Variants in ADAM8 observed in about 807,000 individuals in gnomAD.
ADAM8 encodes the protein disintegrin and metalloproteinase domain-containing protein 8.
In ADAM8, 104 loss-of-function variants were observed where a neutral mutation model predicts 102.4. The observed-to-expected ratio is 1.02, with a 90% confidence interval of 0.87 to 1.20. The LOEUF (loss-of-function observed/expected upper bound fraction) is 1.20. Among genes scored for constraint, ADAM8 ranks in the 50% most tolerant of loss-of-function variants. The pLI, the probability that ADAM8 is intolerant of heterozygous loss-of-function variation, is 0.00. For missense variants in ADAM8, 1,132 were observed against 1,159.0 expected, an observed-to-expected ratio of 0.98 and a Z score of 0.34; for synonymous variants, 517 against 485.2, an observed-to-expected ratio of 1.07 and a Z score of -0.86.
In ADAM8 at chr10:133,268,076, C is replaced by G; in HGVS notation, c.2106G>C (p.Leu702=). 2 of 1,274,300 alleles carry G rather than the reference C, an allele frequency of 1.6e-6. No homozygotes were observed. The highest frequency in any genetic ancestry group is 2.0e-6 in the Non-Finnish European group (2 of 1,003,018). The allele number at this position is 1,274,300 out of a possible 1,614,324, so 78.9% of individuals were successfully genotyped here. Residue 702 remains leucine, a synonymous_variant, in exon 20 of 23, where the codon CTG becomes CTC. Transcript: ENST00000445355. The part of the protein sequence containing the change: ...PKTTMGRSNP[L]FHQAASRVPA... Reference sequence around the variant, plus strand: ...GCACGCGGCTGGCAGCCTGGTGGAACAGGGGGTTGGAGCGCCCCATTGTGG... The same window carrying G: ...GCACGCGGCTGGCAGCCTGGTGGAAGAGGGGGTTGGAGCGCCCCATTGTGG...
intron 1 of ADAM8, among the ~76,000 whole-genome samples, 190 bp downstream of exon 1, chr10:133,276,573 ACCTCCCCGG>A (rs1240147131): frequency 5.9e-5 from 9 of 151,334 alleles, no homozygotes; most frequent in African/African-American, 2.2e-4. Context: ...GTTCCCTCCG[ACCTCCCCGG>A]CCTCCCCGGC....
chr10:133,272,613 C>A, intron 8 of ADAM8, 28 bp from the exon 9 acceptor site: 1 of 1,591,016 alleles, frequency 6.3e-7, no homozygotes, highest in South Asian at 1.1e-5. Flanking sequence ...TCCTGGGGGT[C>A]AGGCAGGGTG....
chr10:133,268,173 C>A, intron 19 of ADAM8, 55 bp from the exon 20 acceptor site: 1 of 1,239,110 alleles, frequency 8.1e-7, no homozygotes, highest in Non-Finnish European at 1.0e-6. Context: ...GCCCCAGCAC[C>A]ACACCCCGAG....
chr10:133,265,981 G>A (rs1846311244), intron 21 of ADAM8, among the ~76,000 whole-genome samples: 1 of 152,160 alleles, frequency 6.6e-6, no homozygotes, highest in South Asian at 2.1e-4. Flanking sequence ...GGAAAAATCT[G>A]TGGACGCTGC....
rs569337533 is a variant in ADAM8 at position 133,271,439 on chromosome 10, G to A, written c.1284+89C>T. The A allele has an allele frequency of 8.1e-5, 120 of 1,473,908 alleles. 1 individual carries two copies. The highest frequency in any genetic ancestry group is 5.0e-4 in the South Asian group (38 of 76,088). 91.3% of individuals were successfully genotyped at this position (1,473,908 alleles called of 1,614,324 possible). On this transcript the variant is annotated intron_variant, in intron 12 of 22. Coordinates refer to ENST00000445355, the MANE Select transcript of ADAM8 (RefSeq NM_001109.5). ...ACACCCACAGAGCCCCAAGTTCCAC[G>A]TGTGGATGTGCAGTGGTCACCCTGG...
rs531098277 is a variant in ADAM8, at chr10:133,274,140, C to T, written c.227+19G>A. On this transcript the variant is annotated intron_variant, in intron 3 of 22. Transcript: ENST00000445355. ...TGGAGCCAGGCCCGGGCAGGGGGGC[C>T]GACCCGAGACCCACTCACCTGTTCT... 58 of 1,581,034 alleles carry T rather than the reference C, an allele frequency of 3.7e-5. No homozygotes were observed. The highest frequency in any genetic ancestry group is 1.9e-5 in the Non-Finnish European group (22 of 1,163,576).
chr10:133,273,715 C>T (rs1436335942), intron 5 of ADAM8, 47 bp downstream of exon 5: 1 of 1,536,272 alleles, frequency 6.5e-7, no homozygotes, highest in South Asian at 1.2e-5. Context: ...AGGCTTAGGC[C>T]TTCCTCTCCA....
intron 21 of ADAM8, among the ~76,000 whole-genome samples, chr10:133,264,897 C>T (rs1846277939): frequency 7.3e-6 from 1 of 136,714 alleles, no homozygotes; most frequent in South Asian, 2.6e-4. Context: ...GCCCCATCTA[C>T]CTCCATGCCC....
chr10:133,269,371 G>A, intron 18 of ADAM8, 74 bp downstream of exon 18: 2 of 1,396,396 alleles, frequency 1.4e-6, no homozygotes. Context: ...CGGGCCCGCG[G>A]CTTCTGCCTG....
Position 133,276,655 on chromosome 10 carries a change from A to G in ADAM8, c.46+117T>C. 4 of 1,399,180 alleles carry G rather than the reference A, an allele frequency of 2.9e-6. No individual in the cohort carries two copies. The African/African-American group carries it at 4.5e-5, about 16-fold the overall frequency. 86.7% of individuals were successfully genotyped at this position (1,399,180 alleles called of 1,614,324 possible). A position where few individuals can be genotyped will look rare whatever the true frequency, so the allele number is the denominator to read the frequency against. On this transcript the variant is annotated intron_variant, in intron 1 of 22. Transcript: ENST00000445355. ...GGCCCGCTCCCAGGGACCAGCCCGA[A>G]GCCGGGCCAGGGTGCGGGGTGCGAG...
At position 133,268,842 on chromosome 10, in the gene ADAM8, A is replaced by G. The variant is rs2275720; in HGVS notation, c.1969T>C (p.Phe657Leu). The change falls in exon 19 of 23, where the codon TTC (phenylalanine) becomes CTC (leucine). Residue 657 changes from phenylalanine to leucine, a missense_variant. Transcript: ENST00000445355. Reference protein sequence around the residue: ...VHAASGSLPVFVVVVLVLLAV... With the variant: ...VHAASGSLPVLVVVVLVLLAV... ...AGGAGCACCAGAACCACCACCACGA[A>G]GACGGGGAGGCTCCCGGACGCTGTG... 1,388,627 of 1,608,346 alleles carry G rather than the reference A, an allele frequency of 0.86. 601,771 individuals carry two copies. Among genetic ancestry groups the G allele is most frequent in the East Asian group, 0.94 (42,004 of 44,856 alleles).
At chr10:133,266,586 G>A (rs879039882) in intron 21 of ADAM8, among the ~76,000 whole-genome samples, 4 of 152,082 alleles carry the variant, frequency 2.6e-5, no homozygotes, top group East Asian at 1.9e-4. Context: ...GCCCGCCACC[G>A]TCCTGCCCTC....
At chr10:133,265,729 C>T (rs968574355) in intron 21 of ADAM8, among the ~76,000 whole-genome samples, 1 of 151,512 alleles carries the variant, frequency 6.6e-6, no homozygotes, top group Non-Finnish European at 1.5e-5. Context: ...ACCTGAGAGG[C>T]GGAGATTGCA....
In ADAM8 at chr10:133,273,272, G is replaced by A; in HGVS notation, c.555C>T (p.Val185=). The part of the protein sequence containing the change: ...GSLLGPRTAA[V]FRPRPGDSLP... ...TGCTCACCCCGGGCCGAGGCCTGAA[G>A]ACGGCTGCCGTCCGGGGTCCCAGGA... Residue 185 remains valine (V), a synonymous_variant, in exon 6 of 23, where the codon GTC becomes GTT. Transcript: ENST00000445355. The A allele has an allele frequency of 1.9e-6, 3 of 1,601,670 alleles. No homozygotes were observed. The highest frequency in any genetic ancestry group is 2.6e-6 in the Non-Finnish European group (3 of 1,175,656).
At position 133,272,266 on chromosome 10, in the gene ADAM8, T is replaced by G. The variant is rs997771398; in HGVS notation, c.884A>C (p.Asp295Ala). The change falls in exon 10 of 23, where the codon GAC (aspartate) becomes GCC (alanine). Residue 295 changes from aspartate (D) to alanine (A), a missense_variant. Transcript: ENST00000445355. The stretch of plus-strand genomic sequence containing the variant: ...AAACCCCACGGTAGTCCCGGTGAAG[T>G]CGACACCCCTGGAAGTGGGAGTGAC... Reference protein sequence around the residue: ...HDNVQLITGVDFTGTTVGFAR... With the variant: ...HDNVQLITGVAFTGTTVGFAR... 9 of 1,534,636 alleles carry G rather than the reference T, an allele frequency of 5.9e-6. No homozygotes were observed. In the African/African-American group the frequency reaches 1.2e-4, roughly 21 times the overall value.
intron 1 of ADAM8, among the ~76,000 whole-genome samples, chr10:133,276,531 C>A (rs1180229274): frequency 6.6e-6 from 1 of 152,248 alleles, no homozygotes; most frequent in Non-Finnish European, 1.5e-5. Flanking sequence ...AGCTCAGAGG[C>A]GGGACTTCCC....
chr10:133,265,097 C>T (rs1846284872), intron 21 of ADAM8, among the ~76,000 whole-genome samples: 1 of 135,444 alleles, frequency 7.4e-6, no homozygotes, highest in Non-Finnish European at 1.6e-5. Context: ...CCCCATCTAC[C>T]TCCACGCCTG....
intron 2 of ADAM8, chr10:133,275,035 C>T (rs895394145): frequency 6.9e-6 from 2 of 290,366 alleles, no homozygotes; most frequent in South Asian, 5.5e-5. Flanking sequence ...CATGTGTGCA[C>T]ACCCACCCAC....
Position 133,262,892 on chromosome 10 carries a change from C to A in ADAM8, c.*264G>T. On this transcript the variant is annotated 3_prime_UTR_variant, in exon 23 of 23. Transcript: ENST00000445355. The stretch of plus-strand genomic sequence containing the variant: ...CCACCTGGAGACACGTACACACACA[C>A]GCACCCGCAAGCACACAGCTCATCC... The A allele has an allele frequency of 1.7e-6, 1 of 595,922 alleles. No individual in the cohort carries two copies. Among genetic ancestry groups the A allele is most frequent in the African/African-American group, 1.8e-5 (1 of 54,132 alleles). The allele number at this position is 595,922 out of a possible 1,614,324, so 36.9% of individuals were successfully genotyped here.
Sources: gnomAD v4.1 joint callset for allele counts (sites outside exome capture counted in the v4.1 genomes callset) on GRCh38, gnomAD v4.1.1 for gene constraint, MANE v1.5 for transcripts, NCBI Gene and HGNC (gene_info 2026-07-23, HGNC 2026-07-21) for gene names.